The following GRM8 variants were observed in gnomAD, a reference collection of about 807,000 sequenced individuals.
The protein encoded by GRM8 is metabotropic glutamate receptor 8.
Under a neutral mutation model 87.2 loss-of-function variants are expected in GRM8, and 47 were observed. That is an observed-to-expected ratio of 0.54 (90% confidence interval 0.43 to 0.69). The LOEUF (loss-of-function observed/expected upper bound fraction) is 0.69, where lower values mean the gene tolerates loss of function less well. GRM8 is among the 30% of genes least tolerant of loss of function. GRM8 has a pLI of 0.00. For synonymous variants in GRM8, 396 were observed against 404.5 expected (o/e 0.98, Z 0.25); for missense variants, 1,019 against 1,139.2 (o/e 0.89, Z 1.52).
intron 7 of GRM8, among the ~76,000 whole-genome samples, chr7:126,623,101 C>T (rs1290198787): frequency 6.6e-6 from 1 of 151,312 alleles, no homozygotes; most frequent in Non-Finnish European, 1.5e-5. Flanking sequence ...ACATCTATAG[C>T]AACACACAGG....
intron 7 of GRM8, among the ~76,000 whole-genome samples, chr7:126,720,379 C>T (rs983654206): frequency 3.9e-5 from 6 of 151,944 alleles, no homozygotes; most frequent in Non-Finnish European, 8.8e-5. Context: ...CAGGCTCAAG[C>T]GATCCTCCTG....
intron 6 of GRM8, among the ~76,000 whole-genome samples, chr7:126,855,622 T>C (rs1201342161): frequency 6.6e-6 from 1 of 151,946 alleles, no homozygotes; most frequent in East Asian, 1.9e-4. Flanking sequence ...ATTACAGGCA[T>C]GTACCAGCAT....
chr7:126,569,987 C>A (rs564103574), intron 8 of GRM8, among the ~76,000 whole-genome samples: 2 of 152,172 alleles, frequency 1.3e-5, no homozygotes, highest in African/African-American at 4.8e-5. Flanking sequence ...TCTCCATAGT[C>A]ACCTGAATTG....
At chr7:127,203,145 T>C (rs1243888059) in intron 2 of GRM8, among the ~76,000 whole-genome samples, 1 of 152,192 alleles carries the variant, frequency 6.6e-6, no homozygotes, top group Non-Finnish European at 1.5e-5. Context: ...CATTTATGGA[T>C]AGGTAAATAT....
intron 3 of GRM8, among the ~76,000 whole-genome samples, chr7:126,942,108 A>G (rs1807014874): frequency 6.6e-6 from 1 of 151,986 alleles, no homozygotes; most frequent in Non-Finnish European, 1.5e-5. Context: ...ATCAGGCAGG[A>G]AAACTACTTT....
chr7:126,917,738 A>C (rs1369106692), intron 3 of GRM8, among the ~76,000 whole-genome samples: 1 of 152,220 alleles, frequency 6.6e-6, no homozygotes, highest in Admixed American at 6.5e-5. Context: ...CTCAATGTAC[A>C]TAATTAAATA....
chr7:126,806,300 G>A (rs573541576), intron 6 of GRM8, among the ~76,000 whole-genome samples: 1 of 152,166 alleles, frequency 6.6e-6, no homozygotes, highest in Non-Finnish European at 1.5e-5. Flanking sequence ...GTGGGTTCGT[G>A]GTCTCGCGGC....
chr7:126,550,096 A>G (rs1056479400), intron 8 of GRM8, among the ~76,000 whole-genome samples: 2 of 151,634 alleles, frequency 1.3e-5, no homozygotes, highest in Non-Finnish European at 2.9e-5. Flanking sequence ...GAGTAGAGTG[A>G]AAATGTTTTT....
chr7:126,697,123 A>G (rs1166318054), intron 7 of GRM8, among the ~76,000 whole-genome samples: 2 of 151,518 alleles, frequency 1.3e-5, no homozygotes, highest in African/African-American at 4.9e-5. Context: ...TAAGCCAGGC[A>G]CAGAAAGACA....
intron 9 of GRM8, among the ~76,000 whole-genome samples, chr7:126,527,650 T>G (rs1418199476): frequency 6.6e-6 from 1 of 152,236 alleles, no homozygotes; most frequent in Non-Finnish European, 1.5e-5. Flanking sequence ...AGAGCAGGAA[T>G]TTTATTACTA....
At chr7:126,585,437 T>C (rs1202508263) in intron 8 of GRM8, among the ~76,000 whole-genome samples, 2 of 152,188 alleles carry the variant, frequency 1.3e-5, no homozygotes, top group African/African-American at 4.8e-5. Flanking sequence ...CCGTTACACA[T>C]TTTATGGATA....
intron 2 of GRM8, among the ~76,000 whole-genome samples, chr7:127,130,850 A>G (rs1414303938): frequency 2.6e-5 from 4 of 152,120 alleles, no homozygotes; most frequent in Non-Finnish European, 4.4e-5. Flanking sequence ...TCCTGCTGCC[A>G]TGTAAGACAC....
chr7:127,157,148 A>C (rs1792780140), intron 2 of GRM8, among the ~76,000 whole-genome samples: 1 of 151,812 alleles, frequency 6.6e-6, no homozygotes, highest in African/African-American at 2.4e-5. Context: ...AAAAGAAGGA[A>C]GAGAGGAAGG....
chr7:127,189,236 C>G (rs1794894478), intron 2 of GRM8, among the ~76,000 whole-genome samples: 1 of 152,202 alleles, frequency 6.6e-6, no homozygotes, highest in Non-Finnish European at 1.5e-5. Flanking sequence ...GTGGGGTATT[C>G]TTAAACCCTG....
At chr7:127,013,540 G>A (rs758934112) in intron 3 of GRM8, among the ~76,000 whole-genome samples, 1 of 151,916 alleles carries the variant, frequency 6.6e-6, no homozygotes, top group East Asian at 1.9e-4. Flanking sequence ...TGGGGGATGG[G>A]GGATGGGGGC....
At chr7:126,855,443 AT>A (rs1455502317) in intron 6 of GRM8, among the ~76,000 whole-genome samples, 1 of 150,870 alleles carries the variant, frequency 6.6e-6, no homozygotes, top group Non-Finnish European at 1.5e-5. Context: ...CAGAACCAGA[AT>A]TTGTAAAGGG....
At chr7:127,008,982 C>T (rs1248806433) in intron 3 of GRM8, among the ~76,000 whole-genome samples, 4 of 152,096 alleles carry the variant, frequency 2.6e-5, no homozygotes, top group Non-Finnish European at 5.9e-5. Flanking sequence ...CTAAATCATA[C>T]ACTTCATTTG....
chr7:126,867,002 G>A lies in GRM8; in HGVS notation c.1156+35540C>T, dbSNP rs536105541. 9.2e-5 allele frequency among the ~76,000 whole-genome samples: 14 copies of A among 152,232 alleles called. No individual in the cohort carries two copies. The East Asian group carries it at 1.5e-3, about 17-fold the overall frequency. On this transcript the variant is annotated intron_variant, in intron 6 of 10. Transcript: ENST00000339582. ...ACAAGAAAATGACATGATTTGGGGC[G>A]TATTATGCATAATTGGTATCACAGC...
chr7:127,111,326 A>C (rs1389371127), intron 2 of GRM8: 1 of 152,206 alleles, frequency 6.6e-6, no homozygotes. Context: ...AAAGAAATTC[A>C]TTTACATATA....
Sources: allele counts gnomAD v4.1 joint callset (sites outside exome capture counted in the v4.1 genomes callset), GRCh38; gene constraint gnomAD v4.1.1; transcripts MANE v1.5; gene names NCBI Gene and HGNC (gene_info 2026-07-23, HGNC 2026-07-21).